Variants in NEMF observed in about 807,000 individuals in gnomAD.
The protein encoded by NEMF is ribosome quality control complex subunit NEMF.
A neutral mutation model predicts 162.2 loss-of-function variants in NEMF; 89 were observed. The ratio of observed to expected loss-of-function variants is 0.55; its 90% confidence interval spans 0.46 to 0.65. NEMF has a LOEUF of 0.65. NEMF is among the 30% of genes least tolerant of loss of function. The pLI is 0.00. For missense variants in NEMF, 1,133 were observed against 1,261.9 expected (o/e 0.90, Z 1.55); for synonymous variants, 421 against 404.5 (o/e 1.04, Z -0.49).
chr14:49,805,005 G>A (rs535124844), intron 19 of NEMF, among the ~76,000 whole-genome samples: 149 of 152,162 alleles, frequency 9.8e-4, no homozygotes, highest in Non-Finnish European at 5.4e-4. Context: ...ACTCCAGCCT[G>A]GACAACAGAG....
intron 6 of NEMF, 59 bp from the exon 7 acceptor site, chr14:49,834,508 T>C (rs1594790920): frequency 7.9e-7 from 1 of 1,260,356 alleles, no homozygotes; most frequent in Non-Finnish European, 1.1e-6. Flanking sequence ...TTTGTTTTTG[T>C]TTTTTGAGAT....
intron 10 of NEMF, among the ~76,000 whole-genome samples, chr14:49,831,715 G>A (rs1480380563): frequency 6.6e-6 from 1 of 152,058 alleles, no homozygotes; most frequent in Non-Finnish European, 1.5e-5. Flanking sequence ...GAGATTATAG[G>A]CATGAGCCAG....
rs1251760381 is a variant in NEMF, at chr14:49,838,139, G to C, written c.574C>G (p.Pro192Ala). ...CACTGCTATTTGCAGGAATACTCACGAAGTAATGGGTTAAGCACCCTCTTC... is the reference window on the plus strand; with the variant it reads ...CACTGCTATTTGCAGGAATACTCACCAAGTAATGGGTTAAGCACCCTCTTC... ...LLKRVLNPLL[P>A]YGPALIEHCL... The change falls in exon 6 of 33, where the codon CCC (proline) becomes GCC (alanine). Residue 192 changes from proline to alanine, a missense_variant and splice_region_variant. By Grantham distance (27) the Pro-to-Ala change is conservative (BLOSUM62 -1). This residue lies in a region of NEMF where 582 missense variants were observed against 631.5 expected (regional missense o/e 0.92). Transcript: ENST00000298310. 2 of 1,606,864 alleles carry C rather than the reference G, an allele frequency of 1.2e-6. No homozygotes were observed. The highest frequency in any genetic ancestry group is 2.2e-5 in the East Asian group (1 of 44,768).
chr14:49,798,446 C>T lies in NEMF; in HGVS notation c.2465+1029G>A, dbSNP rs144841752. Among the ~76,000 whole-genome samples the T allele has an allele frequency of 1.4e-3, 220 of 152,228 alleles. 2 individuals are homozygous for T. Among genetic ancestry groups the T allele is most frequent in the Non-Finnish European group, 6.6e-4 (45 of 68,016 alleles). On this transcript the variant is annotated intron_variant, in intron 25 of 32. Coordinates refer to ENST00000298310, the MANE Select transcript of NEMF (RefSeq NM_004713.6). The stretch of plus-strand genomic sequence containing the variant: ...TACATACAGTTTACATTTATTTTAA[C>T]GTTTAATATTAGAAGAGTTTTCAGT...
rs549029482 is a variant in NEMF at position 49,793,653 on chromosome 14, CAT to C, written c.2619+2136_2619+2137del. Reference sequence around the variant, plus strand: ...AAATGCATCATTTATTGTTATTTCACATTGTTGTACACTTAAGATTAATTGCA... The same window carrying C: ...AAATGCATCATTTATTGTTATTTCACTGTTGTACACTTAAGATTAATTGCA... On this transcript the variant is annotated intron_variant, in intron 26 of 32. Transcript: ENST00000298310. Among the ~76,000 whole-genome samples, 637 of 152,292 alleles carry C rather than the reference CAT, an allele frequency of 4.2e-3. 10 individuals carry two copies. The highest frequency in any genetic ancestry group is 4.5e-3 in the Non-Finnish European group (308 of 68,024).
chr14:49,807,475 A>AG (rs1891269638), intron 18 of NEMF, among the ~76,000 whole-genome samples: 1 of 151,988 alleles, frequency 6.6e-6, no homozygotes. Flanking sequence ...CAGCTGTATC[A>AG]TTGTCCATTC....
At chr14:49,829,478 A>C (rs1194999265) in intron 11 of NEMF, 52 bp from the exon 12 acceptor site, 2 of 1,413,516 alleles carry the variant, frequency 1.4e-6, no homozygotes, top group Admixed American at 3.7e-5. Context: ...CTACCTCATG[A>C]CATCCCTCTC....
rs956729248 is a variant in NEMF at position 49,826,069 on chromosome 14, CACACACACACAA to C, written c.1489-126_1489-115del. 183 of 617,608 alleles carry C rather than the reference CACACACACACAA, an allele frequency of 3.0e-4. No individual in the cohort carries two copies. In the African/African-American group the frequency reaches 3.0e-3, roughly 10 times the overall value. 38.3% of individuals were successfully genotyped at this position (617,608 alleles called of 1,614,324 possible). ...ATGTCACAAAATGGCACAATCTACA[CACACACACACAA>C]ACACACACACACACAAATACGCATA... On this transcript the variant is annotated intron_variant, in intron 15 of 32. Transcript: ENST00000298310.
At chr14:49,794,547 GT>G (rs1231068547) in intron 26 of NEMF, among the ~76,000 whole-genome samples, 1 of 149,456 alleles carries the variant, frequency 6.7e-6, no homozygotes, top group Non-Finnish European at 1.5e-5. Context: ...GTTCAAAGCT[GT>G]AGTATGCTAC....
At chr14:49,852,618 G>A (rs1442653891) in intron 1 of NEMF, 77 bp downstream of exon 1, 2 of 1,473,116 alleles carry the variant, frequency 1.4e-6, no homozygotes, top group Non-Finnish European at 1.9e-6. Context: ...ATATCAAGCT[G>A]GTCTGTTTGC....
intron 11 of NEMF, 111 bp downstream of exon 11, chr14:49,831,188 T>G: frequency 3.1e-6 from 2 of 645,288 alleles, no homozygotes; most frequent in Admixed American, 2.7e-5. Context: ...GGTCAGAGAG[T>G]TCCCATACTA....
intron 29 of NEMF, 171 bp from the exon 30 acceptor site, chr14:49,785,491 G>C: frequency 1.7e-6 from 1 of 581,528 alleles, no homozygotes; most frequent in South Asian, 2.0e-5. Flanking sequence ...AAGAGTTGAA[G>C]ACCAATGTTT....
At chr14:49,796,714 A>G (rs1462584341) in intron 25 of NEMF, among the ~76,000 whole-genome samples, 1 of 152,236 alleles carries the variant, frequency 6.6e-6, no homozygotes, top group East Asian at 1.9e-4. Context: ...GTATCACTTT[A>G]AAGGGTATAG....
chr14:49,845,032 G>C (rs1375524213), intron 4 of NEMF, among the ~76,000 whole-genome samples: 1 of 151,682 alleles, frequency 6.6e-6, no homozygotes, highest in Non-Finnish European at 1.5e-5. Flanking sequence ...GCCTCCCAAA[G>C]TGCTGGGATT....
chr14:49,813,667 GTGTGT>G (rs1242027395), intron 18 of NEMF, among the ~76,000 whole-genome samples: 1 of 1,168 alleles, frequency 8.6e-4, no homozygotes, highest in East Asian at 0.036. Context: ...TATTAGGTGT[GTGTGT>G]GTGTGTGTGT....
intron 22 of NEMF, chr14:49,801,594 T>C (rs1195593068): frequency 6.6e-6 from 1 of 151,962 alleles, no homozygotes; most frequent in Non-Finnish European, 1.5e-5. Context: ...TAATAGTAAA[T>C]GAAACAATGC....
At chr14:49,797,880 A>G (rs1890764802) in intron 25 of NEMF, among the ~76,000 whole-genome samples, 1 of 152,240 alleles carries the variant, frequency 6.6e-6, no homozygotes, top group South Asian at 2.1e-4. Flanking sequence ...GGCCACGGCT[A>G]CCATCTGTGC....
intron 15 of NEMF, among the ~76,000 whole-genome samples, chr14:49,827,402 G>C (rs2139959043): frequency 6.6e-6 from 1 of 152,176 alleles, no homozygotes; most frequent in African/African-American, 2.4e-5. Context: ...GGCCAGGCTG[G>C]TCTCAAACTC....
intron 18 of NEMF, among the ~76,000 whole-genome samples, chr14:49,808,568 C>T (rs560817052): frequency 6.6e-6 from 1 of 152,212 alleles, no homozygotes; most frequent in African/African-American, 2.4e-5. Flanking sequence ...CTGCATGATA[C>T]AAGATCATAA....
Sources: gnomAD v4.1 joint callset for allele counts (sites outside exome capture counted in the v4.1 genomes callset) on GRCh38, gnomAD v4.1.1 for gene constraint, gnomAD v4.1.1 regional missense constraint, MANE v1.5 for transcripts, NCBI Gene and HGNC (gene_info 2026-07-23, HGNC 2026-07-21) for gene names.